Variants in CCDC7 observed in about 807,000 individuals in gnomAD.
CCDC7 encodes coiled-coil domain-containing protein 7.
In CCDC7, 183 loss-of-function variants were observed where a neutral mutation model predicts 196.9. The ratio of observed to expected loss-of-function variants is 0.93; its 90% CI spans 0.82 to 1.05. The LOEUF (loss-of-function observed/expected upper bound fraction) is 1.05, where lower values mean the gene tolerates loss of function less well. Among genes scored for constraint, CCDC7 ranks in the 50% least tolerant of loss-of-function variants. CCDC7 has a pLI of 0.00. For missense variants in CCDC7, 1,540 were observed against 1,482.2 expected, an observed-to-expected ratio of 1.04 and a Z score of -0.64; for synonymous variants, 525 against 484.6, an observed-to-expected ratio of 1.08 and a Z score of -1.10.
At chr10:32,816,004 C>T (rs2088399993) in intron 31 of CCDC7, among the ~76,000 whole-genome samples, 1 of 152,182 alleles carries the variant, frequency 6.6e-6, no homozygotes, top group African/African-American at 2.4e-5. Flanking sequence ...ACAGTGGGTG[C>T]AGTGCACCAA....
rs139269221 is a variant in CCDC7, at chr10:32,845,922, A to G, written c.3567A>G (p.Ile1189Met). The G allele has an allele frequency of 2.2e-5, 36 of 1,612,464 alleles. No individual in the cohort carries two copies. The African/African-American group carries it at 4.7e-4, about 21-fold the overall frequency. Reference sequence around the variant, plus strand: ...CAGATGCTATTGGAAGAGGTATAATAATAGGGCCAATCACTACACAACTGA... The same window carrying G: ...CAGATGCTATTGGAAGAGGTATAATGATAGGGCCAATCACTACACAACTGA... The change falls in exon 36 of 42, where the codon ATA (isoleucine) becomes ATG (methionine). Residue 1189 changes from isoleucine to methionine, a missense_variant. By Grantham distance (10) the Ile-to-Met change is conservative. Transcript: ENST00000639629.
At chr10:32,568,579 T>C (rs1165267715) in intron 15 of CCDC7, among the ~76,000 whole-genome samples, 8 of 152,312 alleles carry the variant, frequency 5.3e-5, no homozygotes, top group Non-Finnish European at 4.4e-5. Flanking sequence ...CGAAGTAAGG[T>C]ACACCGAATT....
intron 32 of CCDC7, among the ~76,000 whole-genome samples, chr10:32,829,888 G>C (rs2091912436): frequency 6.6e-6 from 1 of 151,476 alleles, no homozygotes; most frequent in Non-Finnish European, 1.5e-5. Flanking sequence ...AGAATATAAA[G>C]CAGGCAGAAA....
At chr10:32,491,454 T>C (rs188488572) in intron 8 of CCDC7, among the ~76,000 whole-genome samples, 1 of 152,310 alleles carries the variant, frequency 6.6e-6, no homozygotes, top group East Asian at 1.9e-4. Flanking sequence ...GATACAGTTG[T>C]AAAGCTTAAC....
chr10:32,820,072 G>A (rs1485266263), intron 31 of CCDC7, among the ~76,000 whole-genome samples: 7 of 152,284 alleles, frequency 4.6e-5, no homozygotes, highest in African/African-American at 1.4e-4. Flanking sequence ...AAACCCCACT[G>A]TCTCAGTCCA....
chr10:32,448,005 G>A (rs1411481840), upstream of CCDC7, among the ~76,000 whole-genome samples: 1 of 152,144 alleles, frequency 6.6e-6, no homozygotes. Context: ...AGAGAGCATT[G>A]TGTTCTTCCT....
At position 32,494,803 on chromosome 10, in the gene CCDC7, C is replaced by T. The variant is rs1247560776; in HGVS notation, c.872+2806C>T. 2.0e-5 allele frequency among the ~76,000 whole-genome samples: 3 copies of T among 152,168 alleles called. No individual in the cohort carries two copies. In the East Asian group the frequency reaches 5.8e-4, roughly 29 times the overall value. On this transcript the variant is annotated intron_variant, in intron 9 of 41. Coordinates refer to ENST00000639629, the Ensembl canonical transcript of CCDC7. ...CTTTATCCAGTGTATCATTGATGGG[C>T]ACTTGGGTTGGTTCCAAGTCTTTGC...
chr10:32,740,758 T>TA (rs1384851707), intron 28 of CCDC7, among the ~76,000 whole-genome samples: 1 of 152,216 alleles, frequency 6.6e-6, no homozygotes, highest in Non-Finnish European at 1.5e-5. Flanking sequence ...TGAGTTTTAA[T>TA]AAAGGATTAA....
rs369427523 is a variant in CCDC7 at position 32,814,550 on chromosome 10, A to G, written c.3181+97A>G. 1.1e-4 allele frequency: 90 copies of G among 787,026 alleles called. No individual in the cohort carries two copies. In the African/African-American group the frequency reaches 1.4e-3, roughly 12 times the overall value. The allele number at this position is 787,026 out of a possible 1,614,324, so 48.8% of individuals were successfully genotyped here. On this transcript the variant is annotated intron_variant, in intron 31 of 41. Coordinates refer to ENST00000639629, the Ensembl canonical transcript of CCDC7. The stretch of plus-strand genomic sequence containing the variant: ...ATCTTTAAGGAGAACAGTGCCTATG[A>G]ATTATTACATAGGCAAAAGTCTTTA...
At chr10:32,607,295 A>G (rs772114518) in intron 18 of CCDC7, among the ~76,000 whole-genome samples, 6 of 152,170 alleles carry the variant, frequency 3.9e-5, no homozygotes, top group South Asian at 4.1e-4. Context: ...TTCCTTATAA[A>G]TTATCCAGTC....
chr10:32,797,177 G>A (rs2083726204), intron 29 of CCDC7, among the ~76,000 whole-genome samples: 1 of 146,608 alleles, frequency 6.8e-6, no homozygotes, highest in South Asian at 2.2e-4. Flanking sequence ...ATATGTGTGT[G>A]TGTGTATATA....
intron 24 of CCDC7, among the ~76,000 whole-genome samples, chr10:32,708,982 A>G (rs904118545): frequency 1.3e-5 from 2 of 152,226 alleles, no homozygotes; most frequent in African/African-American, 4.8e-5. Context: ...TATATACCCA[A>G]AGGATTATAA....
chr10:32,479,231 T>C (rs1319307289), intron 8 of CCDC7, among the ~76,000 whole-genome samples: 4 of 152,154 alleles, frequency 2.6e-5, no homozygotes, highest in Non-Finnish European at 5.9e-5. Context: ...GCTTAATTGC[T>C]CTAGCTAGGA....
chr10:32,472,115 AGGTCAGGT>A (rs2038076626), intron 6 of CCDC7, among the ~76,000 whole-genome samples: 1 of 152,212 alleles, frequency 6.6e-6, no homozygotes, highest in Non-Finnish European at 1.5e-5. Context: ...TTTGACCCAA[AGGTCAGGT>A]AGTCTCACTC....
intron 8 of CCDC7, among the ~76,000 whole-genome samples, chr10:32,485,431 T>A (rs1185598480): frequency 1.3e-5 from 2 of 152,184 alleles, no homozygotes; most frequent in Non-Finnish European, 2.9e-5. Context: ...TTTGTTGATC[T>A]TTTCAAAAAA....
chr10:32,631,064 T>G (rs2064792459), intron 18 of CCDC7, among the ~76,000 whole-genome samples: 1 of 152,218 alleles, frequency 6.6e-6, no homozygotes, highest in South Asian at 2.1e-4. Context: ...CATATGTAGG[T>G]TCTCTGGTTA....
At chr10:32,550,173 A>G (rs1016966650) in intron 13 of CCDC7, among the ~76,000 whole-genome samples, 2 of 142,420 alleles carry the variant, frequency 1.4e-5, no homozygotes, top group Admixed American at 1.4e-4. Flanking sequence ...TTTTTCAGCT[A>G]TTGTAAAAGG....
At chr10:32,470,823 A>G (rs991093071) in intron 5 of CCDC7, among the ~76,000 whole-genome samples, 1 of 152,190 alleles carries the variant, frequency 6.6e-6, no homozygotes, top group Non-Finnish European at 1.5e-5. Context: ...TATTAAAGCA[A>G]TAAACAGACA....
Position 32,845,995 on chromosome 10 carries a change from C to T in CCDC7, c.3604+36C>T, listed in dbSNP as rs186061550. ...GAATTTTTCAAGTCTAATATTTAGG[C>T]TTATTTATATTCCCTGAGTTAAATT... On this transcript the variant is annotated intron_variant, in intron 36 of 41. Transcript: ENST00000639629. 7.6e-6 allele frequency: 11 copies of T among 1,447,974 alleles called. 1 individual carries two copies. Among genetic ancestry groups the T allele is most frequent in the Middle Eastern group, 3.6e-4 (2 of 5,618 alleles). The allele number at this position is 1,447,974 out of a possible 1,614,324, so 89.7% of individuals were successfully genotyped here.
Sources: allele counts gnomAD v4.1 joint callset (sites outside exome capture counted in the v4.1 genomes callset), GRCh38; gene constraint gnomAD v4.1.1; transcripts MANE v1.5; gene names NCBI Gene and HGNC (gene_info 2026-07-23, HGNC 2026-07-21).